MARCHF1: variants seen among roughly 807,000 people sequenced by gnomAD.
MARCHF1 encodes membrane associated ring-CH-type finger 1.
Under a neutral mutation model 54.2 loss-of-function variants are expected in MARCHF1, and 40 were observed. The ratio of observed to expected loss-of-function variants is 0.74; its 90% CI spans 0.57 to 0.96. The LOEUF (loss-of-function observed/expected upper bound fraction) is 0.96. Ranked by LOEUF, MARCHF1 falls within the 40% of genes least tolerant of loss-of-function variation. The pLI is 0.00. For synonymous variants in MARCHF1, 236 were observed against 236.3 expected (o/e 1.00, Z 0.01); for missense variants, 586 against 656.5 (o/e 0.89, Z 1.17).
chr4:163,583,650 G>GTGTTTTT (rs1449811118), intron 8 of MARCHF1: 7 of 42,664 alleles, frequency 1.6e-4, no homozygotes, highest in Admixed American at 9.3e-4. Context: ...TGTTTTTTGT[G>GTGTTTTT]TGTTTTTTTT....
chr4:163,719,448 G>A (rs1185969863), intron 4 of MARCHF1, among the ~76,000 whole-genome samples: 1 of 152,132 alleles, frequency 6.6e-6, no homozygotes, highest in African/African-American at 2.4e-5. Flanking sequence ...CATTTGGGTT[G>A]GTTCCAAGTC....
chr4:164,307,850 G>A (rs147808983), intron 1 of MARCHF1, among the ~76,000 whole-genome samples: 5 of 152,332 alleles, frequency 3.3e-5, no homozygotes, highest in Non-Finnish European at 7.3e-5. Flanking sequence ...TAAGATGGCT[G>A]TAGTCCCCTA....
intron 4 of MARCHF1, among the ~76,000 whole-genome samples, chr4:163,782,031 T>C (rs1416959526): frequency 1.3e-5 from 2 of 152,154 alleles, no homozygotes; most frequent in Non-Finnish European, 2.9e-5. Flanking sequence ...CTGTGTATAA[T>C]AGTCACCTTA....
At chr4:163,949,658 T>C (rs761425820) in intron 3 of MARCHF1, among the ~76,000 whole-genome samples, 1 of 152,054 alleles carries the variant, frequency 6.6e-6, no homozygotes, top group African/African-American at 2.4e-5. Context: ...AGTGGGTAGC[T>C]TCTCTCTCCA....
At chr4:163,934,438 A>G (rs1751749655) in intron 3 of MARCHF1, among the ~76,000 whole-genome samples, 1 of 151,754 alleles carries the variant, frequency 6.6e-6, no homozygotes, top group South Asian at 2.1e-4. Flanking sequence ...ATGCATCTGT[A>G]GTCCCAGCTA....
chr4:163,962,972 C>G (rs755346414), intron 3 of MARCHF1, among the ~76,000 whole-genome samples: 3 of 151,794 alleles, frequency 2.0e-5, no homozygotes, highest in African/African-American at 7.3e-5. Context: ...TAAAAAATAT[C>G]CACATTTATT....
intron 4 of MARCHF1, among the ~76,000 whole-genome samples, chr4:163,822,356 A>G (rs572829455): frequency 7.2e-5 from 11 of 151,948 alleles, no homozygotes; most frequent in Middle Eastern, 3.2e-3. Flanking sequence ...ACACCACTGC[A>G]ATCTATGTAT....
intron 1 of MARCHF1, among the ~76,000 whole-genome samples, chr4:164,179,551 C>T (rs1003314141): frequency 2.0e-5 from 3 of 152,094 alleles, no homozygotes; most frequent in African/African-American, 7.2e-5. Context: ...TAATTAATGT[C>T]AGTTGATGTA....
At chr4:164,368,556 G>A (rs1730944814) in intron 1 of MARCHF1, among the ~76,000 whole-genome samples, 1 of 151,816 alleles carries the variant, frequency 6.6e-6, no homozygotes, top group African/African-American at 2.4e-5. Flanking sequence ...CACAAAAAAG[G>A]AAAAATACAA....
intron 4 of MARCHF1, among the ~76,000 whole-genome samples, chr4:163,822,228 T>C (rs1369576389): frequency 4.6e-5 from 7 of 151,892 alleles, no homozygotes; most frequent in Non-Finnish European, 1.0e-4. Context: ...ACTCTGCACA[T>C]TGGATCACAT....
At chr4:164,108,512 C>T (rs538508062) in intron 2 of MARCHF1, among the ~76,000 whole-genome samples, 2 of 152,016 alleles carry the variant, frequency 1.3e-5, no homozygotes, top group Non-Finnish European at 2.9e-5. Flanking sequence ...ACATAGTCTG[C>T]ACTTTTAACT....
At chr4:163,990,811 C>T (rs2110892011) in intron 2 of MARCHF1, among the ~76,000 whole-genome samples, 1 of 152,178 alleles carries the variant, frequency 6.6e-6, no homozygotes, top group East Asian at 1.9e-4. Flanking sequence ...TTATGAAACT[C>T]TTTAGAAAAG....
At chr4:164,189,992 G>T (rs1731081480) in intron 1 of MARCHF1, 2 of 1,464,516 alleles carry the variant, frequency 1.4e-6, no homozygotes, top group Non-Finnish European at 1.9e-6. Flanking sequence ...AAATCAAAAG[G>T]ATGGTTAATG....
At chr4:163,591,942 ACAGTAGTTAATAT>A (rs543678978) in intron 7 of MARCHF1, among the ~76,000 whole-genome samples, 137 of 152,300 alleles carry the variant, frequency 9.0e-4, no homozygotes, top group African/African-American at 3.0e-3. Flanking sequence ...AACAAGATGG[ACAGTAGTTAATAT>A]CATTCAGACT....
At chr4:163,616,942 A>T (rs1409216518) in intron 5 of MARCHF1, among the ~76,000 whole-genome samples, 3 of 152,144 alleles carry the variant, frequency 2.0e-5, no homozygotes. Flanking sequence ...CCAGTTCGTC[A>T]AAGAGATATG....
chr4:163,721,822 T>G (rs1190838293), intron 4 of MARCHF1, among the ~76,000 whole-genome samples: 2 of 152,032 alleles, frequency 1.3e-5, no homozygotes, highest in African/African-American at 4.8e-5. Context: ...TGCGTAGAGG[T>G]GTTTGTGGTA....
At chr4:163,964,427 C>A (rs1752402266) in intron 3 of MARCHF1, among the ~76,000 whole-genome samples, 1 of 151,148 alleles carries the variant, frequency 6.6e-6, no homozygotes, top group Non-Finnish European at 1.5e-5. Context: ...TTTTTTCCAC[C>A]TGGAGAGCTA....
rs191159600 is a variant in MARCHF1, at chr4:164,333,376, C to T, written c.-323+50494G>A. 3.3e-5 allele frequency among the ~76,000 whole-genome samples: 5 copies of T among 152,258 alleles called. No homozygotes were observed. In the East Asian group the frequency reaches 7.7e-4, roughly 23 times the overall value. ...GCCCTGTGTTGAGCAAGTCTATCAG[C>T]ACCATTTTTCAAAAAGCATGTACTC... On this transcript the variant is annotated intron_variant, in intron 1 of 9. Transcript: ENST00000514618.
intron 1 of MARCHF1, among the ~76,000 whole-genome samples, chr4:164,309,278 GT>G (rs1428596774): frequency 6.6e-6 from 1 of 151,750 alleles, no homozygotes; most frequent in East Asian, 1.9e-4. Flanking sequence ...GTGTGTGTGT[GT>G]GTGTGCGCGT....
Sources: gnomAD v4.1 joint callset for allele counts (sites outside exome capture counted in the v4.1 genomes callset) on GRCh38, gnomAD v4.1.1 for gene constraint, MANE v1.5 for transcripts, NCBI Gene and HGNC (gene_info 2026-07-23, HGNC 2026-07-21) for gene names.